RFC2: variants seen among roughly 807,000 people sequenced by gnomAD.
RFC2 encodes replication factor C subunit 2, also known as A1 40 kDa subunit.
In RFC2, 34 loss-of-function variants were observed where a neutral mutation model predicts 44.8. The ratio of observed to expected loss-of-function variants is 0.76; its 90% CI spans 0.58 to 1.01. The LOEUF is 1.01. RFC2 is among the 50% of genes least tolerant of loss of function. RFC2 has a pLI of 0.00. For synonymous variants in RFC2, 177 were observed against 168.9 expected (o/e 1.05, Z -0.37); for missense variants, 400 against 453.6 (o/e 0.88, Z 1.07).
rs1261911954 is a variant in RFC2 at position 74,240,521 on chromosome 7, AAGAG to A, written c.536-430_536-427del. Among the ~76,000 whole-genome samples the A allele has an allele frequency of 6.1e-5, 9 of 146,968 alleles. No homozygotes were observed. In the South Asian group the frequency reaches 8.6e-4, roughly 14 times the overall value. ...TGTCTCCAAAAAAAAAAAAAAAAAA[AAGAG>A]AGAGAGAGAGACTTGGTAAACACAG... On this transcript the variant is annotated intron_variant, in intron 6 of 10. Transcript: ENST00000055077.
intron 6 of RFC2, among the ~76,000 whole-genome samples, chr7:74,242,028 G>A (rs1803359016): frequency 1.3e-5 from 2 of 152,162 alleles, no homozygotes; most frequent in South Asian, 4.1e-4. Flanking sequence ...TTGGGACCTG[G>A]GGCGGGACAA....
chr7:74,233,692 C>G (rs1223539640), intron 10 of RFC2: 10 of 401,698 alleles, frequency 2.5e-5, no homozygotes, highest in Non-Finnish European at 4.1e-5. Context: ...CCTCCACCTC[C>G]TGGGTTCAAG....
chr7:74,237,861 C>T (rs1368137775), intron 8 of RFC2, among the ~76,000 whole-genome samples: 1 of 152,156 alleles, frequency 6.6e-6, no homozygotes, highest in African/African-American at 2.4e-5. Flanking sequence ...ACAAAAGGTC[C>T]CCCAGCCTCA....
At chr7:74,239,441 C>G (rs1803204772) in intron 7 of RFC2, among the ~76,000 whole-genome samples, 1 of 152,076 alleles carries the variant, frequency 6.6e-6, no homozygotes, top group South Asian at 2.1e-4. Context: ...ATGCCATTCT[C>G]TTGCCTCAGC....
chr7:74,250,924 G>T (rs1439060429), intron 2 of RFC2, among the ~76,000 whole-genome samples: 1 of 152,096 alleles, frequency 6.6e-6, no homozygotes, highest in Non-Finnish European at 1.5e-5. Context: ...GAGTAGCTGG[G>T]ATTACAGACG....
At chr7:74,241,999 T>C (rs1803357363) in intron 6 of RFC2, among the ~76,000 whole-genome samples, 1 of 152,008 alleles carries the variant, frequency 6.6e-6, no homozygotes, top group Admixed American at 6.6e-5. Context: ...CAGCAGGAAG[T>C]TGACAGACTA....
Position 74,232,122 on chromosome 7 carries a change from G to A in RFC2, c.1049C>T (p.Ala350Val). ...LLARLCQKTMAPVAS is the reference protein window; with the variant it reads ...LLARLCQKTMVPVAS ...GTCTCTGCTCTAACTGGCCACCGGG[G>A]CCATTGTCTTCTGACACAGCCTTGC... Residue 350 changes from alanine (A) to valine (V), a missense_variant, in exon 11 of 11, where the codon GCC (alanine) becomes GTC (valine). Physicochemically the swap from Ala to Val is moderately conservative, Grantham distance 64. Coordinates refer to ENST00000055077, the MANE Select transcript of RFC2 (RefSeq NM_181471.3). 1 of 1,606,034 alleles carries A rather than the reference G, an allele frequency of 6.2e-7. No individual in the cohort carries two copies. The highest frequency in any genetic ancestry group is 8.5e-7 in the Non-Finnish European group (1 of 1,172,614).
At chr7:74,254,189 C>G in intron 1 of RFC2, 82 bp downstream of exon 1, 1 of 1,057,706 alleles carries the variant, frequency 9.5e-7, no homozygotes, top group Non-Finnish European at 1.4e-6. Context: ...GCCCCTGACC[C>G]CCGAGTTTCT....
intron 10 of RFC2, chr7:74,233,721 C>T (rs528997223): frequency 8.8e-5 from 38 of 430,532 alleles, no homozygotes; most frequent in Non-Finnish European, 1.5e-4. Context: ...CTCCCTCAGC[C>T]GCCCGAGTAG....
At chr7:74,239,707 GA>G (rs1803218780) in intron 7 of RFC2, among the ~76,000 whole-genome samples, 1 of 152,104 alleles carries the variant, frequency 6.6e-6, no homozygotes, top group Non-Finnish European at 1.5e-5. Flanking sequence ...TTGAACTCCT[GA>G]CCTCAGGTGA....
chr7:74,246,838 C>T (rs1803639507), intron 4 of RFC2, 75 bp from the exon 5 acceptor site: 10 of 996,226 alleles, frequency 1.0e-5, no homozygotes, highest in Admixed American at 5.7e-5. Context: ...TTTAAACAAT[C>T]GGTATATCAG....
intron 5 of RFC2, among the ~76,000 whole-genome samples, chr7:74,244,316 T>C (rs1258453227): frequency 1.3e-5 from 2 of 151,198 alleles, no homozygotes; most frequent in African/African-American, 4.9e-5. Flanking sequence ...ATATTCTAAA[T>C]TTTCTTCAAA....
At chr7:74,247,702 G>A (rs1431663789) in intron 4 of RFC2, among the ~76,000 whole-genome samples, 15 of 152,114 alleles carry the variant, frequency 9.9e-5, no homozygotes, top group African/African-American at 3.4e-4. Context: ...GACACCAATA[G>A]CAACATTCTA....
At chr7:74,234,128 G>A (rs191791781) in intron 10 of RFC2, among the ~76,000 whole-genome samples, 3 of 152,212 alleles carry the variant, frequency 2.0e-5, no homozygotes, top group South Asian at 2.1e-4. Flanking sequence ...GTGATAACAC[G>A]GACTGACTCA....
intron 2 of RFC2, among the ~76,000 whole-genome samples, chr7:74,250,161 A>C (rs1232818756): frequency 8.6e-5 from 13 of 151,890 alleles, no homozygotes; most frequent in Non-Finnish European, 1.3e-4. Flanking sequence ...AAAAACAAAA[A>C]AAAAAAAACA....
intron 3 of RFC2, 31 bp from the exon 4 acceptor site, chr7:74,249,149 A>G: frequency 6.2e-7 from 1 of 1,613,354 alleles, no homozygotes; most frequent in Non-Finnish European, 8.5e-7. Flanking sequence ...AAAGACTTCA[A>G]ACCACCAGAA....
At chr7:74,252,886 C>T (rs1303535502) in intron 1 of RFC2, among the ~76,000 whole-genome samples, 1 of 152,136 alleles carries the variant, frequency 6.6e-6, no homozygotes, top group Non-Finnish European at 1.5e-5. Flanking sequence ...GAGCTGAGAT[C>T]ATGCATGCCA....
rs782252446 is a variant in RFC2 at position 74,249,055 on chromosome 7, C to A, written c.289G>T (p.Ala97Ser). The A allele has an allele frequency of 5.0e-6, 8 of 1,613,960 alleles. No homozygotes were observed. Among genetic ancestry groups the A allele is most frequent in the Non-Finnish European group, 6.8e-6 (8 of 1,180,016 alleles). Residue 97 changes from alanine (A) to serine (S), a missense_variant, in exon 4 of 11, where the codon GCA becomes TCA. Ala to Ser is a moderately conservative substitution (Grantham distance 99). Coordinates refer to ENST00000055077, the MANE Select transcript of RFC2 (RefSeq NM_181471.3). Reference protein sequence around the residue: ...LCLARALLGPALKDAMLELNA... With the variant: ...LCLARALLGPSLKDAMLELNA... Reference sequence around the variant, plus strand: ...AGTTCCAACATGGCATCTTTGAGTGCTGGGCCCAGCAGGGCCCGGGCCAAG... The same window carrying A: ...AGTTCCAACATGGCATCTTTGAGTGATGGGCCCAGCAGGGCCCGGGCCAAG...
In RFC2 at chr7:74,238,870, C is replaced by G. The variant is rs1803161176; in HGVS notation, c.759+53G>C. 6.8e-7 allele frequency: 1 copy of G among 1,478,786 alleles called. No individual in the cohort carries two copies. The highest frequency in any genetic ancestry group is 1.7e-5 in the Admixed American group (1 of 59,646). The allele number at this position is 1,478,786 out of a possible 1,614,324, so 91.6% of individuals were successfully genotyped here. A position where few individuals can be genotyped will look rare whatever the true frequency, so the allele number is the denominator to read the frequency against. On this transcript the variant is annotated intron_variant, in intron 8 of 10. Coordinates refer to ENST00000055077, the MANE Select transcript of RFC2 (RefSeq NM_181471.3). This position sits in a 1 kb window ranked among gnomAD's most constrained non-coding sequence, Gnocchi z 4.0. ...CCCAGCCCTTCAGCCCCACTGGCCC[C>G]CACAGGGAAGCACGGCTTCTGCTGA...
Sources: allele counts gnomAD v4.1 joint callset (sites outside exome capture counted in the v4.1 genomes callset), GRCh38; gene constraint gnomAD v4.1.1; non-coding constraint Gnocchi (gnomAD v3.1); transcripts MANE v1.5; gene names NCBI Gene and HGNC (gene_info 2026-07-23, HGNC 2026-07-21).